FRMD4A: variants seen among roughly 807,000 people sequenced by gnomAD.
The protein encoded by FRMD4A is FERM domain containing 4A.
A neutral mutation model predicts 129.1 loss-of-function variants in FRMD4A; 29 were observed. That is an observed-to-expected ratio of 0.22 (90% confidence interval 0.17 to 0.31). The LOEUF (loss-of-function observed/expected upper bound fraction) is 0.31. Among genes scored for constraint, FRMD4A ranks in the 10% least tolerant of loss-of-function variants. FRMD4A has a pLI of 1.00. For missense variants in FRMD4A, 1,272 were observed against 1,375.8 expected (o/e 0.92, Z 1.19); for synonymous variants, 634 against 571.6 (o/e 1.11, Z -1.56).
chr10:13,892,665 GT>G (rs2094714516), intron 2 of FRMD4A, among the ~76,000 whole-genome samples: 1 of 152,166 alleles, frequency 6.6e-6, no homozygotes, highest in Non-Finnish European at 1.5e-5. Context: ...AAGCCGACTT[GT>G]TTCTGGGTAA....
chr10:14,213,442 T>G (rs889265655), intron 2 of FRMD4A, among the ~76,000 whole-genome samples: 8 of 152,100 alleles, frequency 5.3e-5, no homozygotes, highest in African/African-American at 1.7e-4. Flanking sequence ...AGAGGGTAAG[T>G]AGCTTGTCTG....
chr10:13,708,004 A>G, intron 12 of FRMD4A: 1 of 460,698 alleles, frequency 2.2e-6, no homozygotes, highest in Non-Finnish European at 2.9e-6. Flanking sequence ...CCTCTGGGAA[A>G]TATCACAGGA....
chr10:13,650,534 C>A (rs2134428074), intron 24 of FRMD4A, among the ~76,000 whole-genome samples: 1 of 152,330 alleles, frequency 6.6e-6, no homozygotes, highest in South Asian at 2.1e-4. Context: ...TCTCCATCAC[C>A]TTTAGCAGAT....
At chr10:13,738,553 C>T (rs17153829) in intron 11 of FRMD4A, among the ~76,000 whole-genome samples, 14,622 of 152,172 alleles carry the variant, frequency 0.096, 801 homozygotes, top group African/African-American at 0.14. Context: ...AGGACTCATG[C>T]TGTTGGACAG....
Position 13,713,700 on chromosome 10 carries a change from G to GGA in FRMD4A, c.760-6588_760-6587insTC, listed in dbSNP as rs1163075649. Among the ~76,000 whole-genome samples the GGA allele has an allele frequency of 4.6e-5, 7 of 150,624 alleles. No homozygotes were observed. In the East Asian group the frequency reaches 1.4e-3, roughly 29 times the overall value. On this transcript the variant is annotated intron_variant, in intron 12 of 24. Coordinates refer to ENST00000357447, the MANE Select transcript of FRMD4A (RefSeq NM_018027.5). Reference sequence around the variant, plus strand: ...GTGCTCTCAGAGGACTGGATCCCATGTGCCCTGGTAAGGTTTTGCTATTGG... The same window carrying GGA: ...GTGCTCTCAGAGGACTGGATCCCATGGATGCCCTGGTAAGGTTTTGCTATTGG...
intron 2 of FRMD4A, among the ~76,000 whole-genome samples, chr10:14,251,524 C>T (rs983837185): frequency 8.5e-5 from 13 of 152,176 alleles, no homozygotes; most frequent in Non-Finnish European, 1.8e-4. Context: ...CTAAGCTGCA[C>T]CCAATTTCCC....
At chr10:14,009,265 A>G (rs796119164) in intron 2 of FRMD4A, among the ~76,000 whole-genome samples, 20 of 152,318 alleles carry the variant, frequency 1.3e-4, no homozygotes, top group African/African-American at 4.8e-4. Flanking sequence ...AAAAATTACT[A>G]CAAAGAAAAT....
intron 3 of FRMD4A, among the ~76,000 whole-genome samples, chr10:13,818,188 A>G (rs2093574904): frequency 6.6e-6 from 1 of 152,138 alleles, no homozygotes. Flanking sequence ...TTTTAGATAC[A>G]GGGACTTATT....
intron 2 of FRMD4A, chr10:13,971,815 T>C: frequency 7.7e-7 from 1 of 1,304,392 alleles, no homozygotes; most frequent in South Asian, 1.2e-5. Flanking sequence ...CCCCAGACTC[T>C]GCCGCCAACC....
chr10:14,319,673 G>A (rs1326107864), intron 2 of FRMD4A, among the ~76,000 whole-genome samples: 3 of 152,082 alleles, frequency 2.0e-5, no homozygotes, highest in Admixed American at 2.0e-4. Flanking sequence ...ACCTCTCTCA[G>A]GCTTGGCCTC....
At chr10:13,893,055 G>C (rs764532666) in intron 2 of FRMD4A, among the ~76,000 whole-genome samples, 2 of 152,054 alleles carry the variant, frequency 1.3e-5, no homozygotes, top group Admixed American at 1.3e-4. Flanking sequence ...GTTTGTTATA[G>C]AGACAGAGTT....
At chr10:14,087,097 C>G (rs563224598) in intron 2 of FRMD4A, among the ~76,000 whole-genome samples, 1 of 151,852 alleles carries the variant, frequency 6.6e-6, no homozygotes, top group East Asian at 1.9e-4. Context: ...AGCTGGCTAC[C>G]CTGGTTGCGG....
intron 13 of FRMD4A, among the ~76,000 whole-genome samples, chr10:13,703,426 T>C (rs1248156641): frequency 6.6e-6 from 1 of 152,194 alleles, no homozygotes; most frequent in East Asian, 1.9e-4. Flanking sequence ...GTGCACAGTG[T>C]TGTCCAGTGC....
intron 2 of FRMD4A, among the ~76,000 whole-genome samples, chr10:14,195,340 A>G (rs1359995229): frequency 6.6e-6 from 1 of 152,202 alleles, no homozygotes; most frequent in Admixed American, 6.5e-5. Flanking sequence ...TTTAAAAAGA[A>G]TAAAACCATA....
intron 2 of FRMD4A, 41 bp downstream of exon 2, chr10:14,330,017 G>T: frequency 6.5e-7 from 1 of 1,546,776 alleles, no homozygotes; most frequent in Non-Finnish European, 8.8e-7. Context: ...GGAGGCTGGA[G>T]TGGACGCTGC....
At chr10:14,033,470 A>C (rs550098546) in intron 2 of FRMD4A, among the ~76,000 whole-genome samples, 22 of 152,020 alleles carry the variant, frequency 1.4e-4, no homozygotes, top group African/African-American at 5.3e-4. Flanking sequence ...CTAAGTGTCC[A>C]CCAATGGCTG....
chr10:14,311,544 T>G (rs1440277340), intron 2 of FRMD4A, among the ~76,000 whole-genome samples: 1 of 151,862 alleles, frequency 6.6e-6, no homozygotes, highest in African/African-American at 2.4e-5. Context: ...AAGCGTGGCC[T>G]TCTGCTACAT....
At position 14,009,424 on chromosome 10, in the gene FRMD4A, A is replaced by G. The variant is rs17154364; in HGVS notation, c.46-150512T>C. On this transcript the variant is annotated intron_variant, in intron 2 of 24. Transcript: ENST00000357447. ...TTGTAATCATCCCGTGGTTTTTGGT[A>G]TTAGCCTTGATACCACTCATACGCT... is the stretch of plus-strand genomic sequence containing the variant. Among the ~76,000 whole-genome samples the G allele has an allele frequency of 5.1e-3, 780 of 152,088 alleles. 21 individuals are homozygous for G. In the East Asian group the frequency reaches 0.065, roughly 13 times the overall value.
At chr10:13,980,477 C>T (rs976840226) in intron 2 of FRMD4A, among the ~76,000 whole-genome samples, 1 of 152,214 alleles carries the variant, frequency 6.6e-6, no homozygotes, top group Non-Finnish European at 1.5e-5. Context: ...GCCCTGTAAT[C>T]CCAATGCTTT....
Sources: gnomAD v4.1 joint callset for allele counts (sites outside exome capture counted in the v4.1 genomes callset) on GRCh38, gnomAD v4.1.1 for gene constraint, MANE v1.5 for transcripts, NCBI Gene and HGNC (gene_info 2026-07-23, HGNC 2026-07-21) for gene names.